The following UCK2 variants were observed in gnomAD, a reference collection of about 807,000 sequenced individuals.
The protein encoded by UCK2 is cytidine monophosphokinase 2.
UCK2 carries 6 observed loss-of-function variants against 30.8 expected under a neutral mutation model. The ratio of observed to expected loss-of-function variants is 0.19; its 90% CI spans 0.11 to 0.38. UCK2 has a LOEUF of 0.38. UCK2 is among the 10% of genes least tolerant of loss of function. The probability of loss-of-function intolerance (pLI) is 1.00; values close to 1 mark genes in which losing one functional copy is unlikely to be tolerated. For missense variants in UCK2, 210 were observed against 339.8 expected, an observed-to-expected ratio of 0.62 and a Z score of 3.00; for synonymous variants, 125 against 133.6, an observed-to-expected ratio of 0.94 and a Z score of 0.45.
chr1:165,850,161 T>C (rs1303005767), intron 1 of UCK2, among the ~76,000 whole-genome samples: 1 of 152,226 alleles, frequency 6.6e-6, no homozygotes, highest in African/African-American at 2.4e-5. Flanking sequence ...GACAGAGTTT[T>C]GCTCTTGTTA....
intron 5 of UCK2, 141 bp from the exon 6 acceptor site, chr1:165,905,780 A>G (rs925835576): frequency 1.7e-6 from 1 of 597,498 alleles, no homozygotes; most frequent in Non-Finnish European, 2.9e-6. Flanking sequence ...GTTGTAAACA[A>G]TATTATATTT....
At position 165,898,751 on chromosome 1, in the gene UCK2, A is replaced by G. The variant is rs560559365; in HGVS notation, c.499+2419A>G. Among the ~76,000 whole-genome samples the G allele has an allele frequency of 5.9e-5, 9 of 152,348 alleles. No individual in the cohort carries two copies. The East Asian group carries it at 1.3e-3, about 23-fold the overall frequency. On this transcript the variant is annotated intron_variant, in intron 4 of 6. Transcript: ENST00000367879. ...AGAACATTTTCCCTTCCTTTCTTGC[A>G]TGGGATTCTTATGTGAAATAGGAGC... is the stretch of plus-strand genomic sequence containing the variant.
chr1:165,880,562 TGG>T (rs60967216), intron 1 of UCK2, among the ~76,000 whole-genome samples: 15,530 of 115,652 alleles, frequency 0.13, 1,082 homozygotes, highest in East Asian at 0.17. Context: ...CAGTTTTTTT[TGG>T]GGGTGTGTGT....
At chr1:165,841,446 A>G (rs1654328423) in intron 1 of UCK2, among the ~76,000 whole-genome samples, 1 of 151,938 alleles carries the variant, frequency 6.6e-6, no homozygotes, top group Non-Finnish European at 1.5e-5. Flanking sequence ...CAGCCTCCCA[A>G]AGTGCTGGGG....
intron 1 of UCK2, among the ~76,000 whole-genome samples, chr1:165,869,358 A>G (rs1191071754): frequency 1.3e-5 from 2 of 152,118 alleles, no homozygotes; most frequent in African/African-American, 4.8e-5. Context: ...TGTAAAAAAA[A>G]CGTAGTATCT....
At position 165,846,710 on chromosome 1, in the gene UCK2, G is replaced by C. The variant is rs531662971; in HGVS notation, c.99+18778G>C. On this transcript the variant is annotated intron_variant, in intron 1 of 6. Coordinates refer to ENST00000367879, the MANE Select transcript of UCK2 (RefSeq NM_012474.5). Reference sequence around the variant, plus strand: ...ATAAGCACGAACACTTTTTGATATAGGTGTATTCTTTGTCAAGTTGGCAAC... The same window carrying C: ...ATAAGCACGAACACTTTTTGATATACGTGTATTCTTTGTCAAGTTGGCAAC... Among the ~76,000 whole-genome samples, 148 of 152,238 alleles carry C rather than the reference G, an allele frequency of 9.7e-4. No homozygotes were observed. In the Middle Eastern group the frequency reaches 0.014, roughly 14 times the overall value.
Position 165,905,958 on chromosome 1 carries a change from C to T in UCK2, c.635C>T (p.Ala212Val), listed in dbSNP as rs1647643548. 6.2e-7 allele frequency: 1 copy of T among 1,613,866 alleles called. No homozygotes were observed. Residue 212 changes from alanine to valine, a missense_variant, in exon 6 of 7, where the codon GCA becomes GTA. Physicochemically the swap from Ala to Val is moderately conservative, Grantham distance 64. Transcript: ENST00000367879. ...GCTGATGTGATCATCCCTAGAGGTG[C>T]AGATAATCTGGGTGAGTCCCTGCAG... is the stretch of plus-strand genomic sequence containing the variant. ...KYADVIIPRG[A>V]DNLVAINLIV...
At chr1:165,899,799 A>G (rs1157690955) in intron 4 of UCK2, among the ~76,000 whole-genome samples, 1 of 152,146 alleles carries the variant, frequency 6.6e-6, no homozygotes, top group Non-Finnish European at 1.5e-5. Context: ...CTGCCTGAGG[A>G]GAAGGGCCTT....
chr1:165,841,485 C>T (rs1654330562), intron 1 of UCK2, among the ~76,000 whole-genome samples: 1 of 152,168 alleles, frequency 6.6e-6, no homozygotes, highest in African/African-American at 2.4e-5. Flanking sequence ...CGCGCCTGGC[C>T]TGTACTACTT....
intron 1 of UCK2, among the ~76,000 whole-genome samples, chr1:165,870,526 C>T (rs536823311): frequency 1.3e-5 from 2 of 152,178 alleles, no homozygotes; most frequent in Non-Finnish European, 2.9e-5. Context: ...TACTTCTGCT[C>T]ACAGGAGTTT....
At chr1:165,884,525 TC>T (rs769719237) in intron 1 of UCK2, among the ~76,000 whole-genome samples, 75 of 152,214 alleles carry the variant, frequency 4.9e-4, no homozygotes, top group Non-Finnish European at 8.8e-4. Flanking sequence ...TTCTGAGCTG[TC>T]CAGGCTTGGG....
At chr1:165,829,306 A>G (rs1021574594) in intron 1 of UCK2, among the ~76,000 whole-genome samples, 4 of 152,230 alleles carry the variant, frequency 2.6e-5, no homozygotes, top group Non-Finnish European at 5.9e-5. Context: ...TATGACTTAT[A>G]CTAGTAATTC....
chr1:165,866,126 A>G (rs886307843), intron 1 of UCK2, among the ~76,000 whole-genome samples: 2 of 152,026 alleles, frequency 1.3e-5, no homozygotes, highest in Admixed American at 6.6e-5. Context: ...TAACTGGGAG[A>G]CTGGAGTATA....
chr1:165,852,169 A>G (rs561169415), intron 1 of UCK2, among the ~76,000 whole-genome samples: 1 of 152,348 alleles, frequency 6.6e-6, no homozygotes, highest in East Asian at 1.9e-4. Flanking sequence ...GCTGTCTTCC[A>G]CAATGGTTGA....
intron 1 of UCK2, among the ~76,000 whole-genome samples, chr1:165,852,723 T>TAA (rs1654628624): frequency 6.6e-6 from 1 of 152,234 alleles, no homozygotes; most frequent in African/African-American, 2.4e-5. Context: ...GCATTTCATC[T>TAA]ATCCTTCCTT....
chr1:165,839,204 G>A (rs775971297), intron 1 of UCK2, among the ~76,000 whole-genome samples: 1 of 151,946 alleles, frequency 6.6e-6, no homozygotes, highest in South Asian at 2.1e-4. Flanking sequence ...TTAGTCAATG[G>A]CTACATTTTT....
At chr1:165,864,305 C>T (rs1376345939) in intron 1 of UCK2, among the ~76,000 whole-genome samples, 2 of 152,204 alleles carry the variant, frequency 1.3e-5, no homozygotes, top group Admixed American at 1.3e-4. Context: ...CCTAGGTCTG[C>T]CACCTCTTTG....
At position 165,898,590 on chromosome 1, in the gene UCK2, C is replaced by T. The variant is rs144660561; in HGVS notation, c.499+2258C>T. 6.9e-3 allele frequency among the ~76,000 whole-genome samples: 1,045 copies of T among 152,244 alleles called. 15 individuals carry two copies. Among genetic ancestry groups the T allele is most frequent in the African/African-American group, 0.023 (963 of 41,524 alleles). ...CTCAGTCTCAGGGATGCAGTGCTGCCGAGGGAGGCCTCGCAGCAGGGAGTG... is the reference window on the plus strand; with the variant it reads ...CTCAGTCTCAGGGATGCAGTGCTGCTGAGGGAGGCCTCGCAGCAGGGAGTG... On this transcript the variant is annotated intron_variant, in intron 4 of 6. Coordinates refer to ENST00000367879, the MANE Select transcript of UCK2 (RefSeq NM_012474.5).
intron 1 of UCK2, among the ~76,000 whole-genome samples, chr1:165,838,388 C>T (rs1275515971): frequency 1.3e-5 from 2 of 152,218 alleles, no homozygotes; most frequent in Non-Finnish European, 2.9e-5. Context: ...GCATCCTTTG[C>T]ACTGGCTGTT....
Sources: gnomAD v4.1 joint callset for allele counts (sites outside exome capture counted in the v4.1 genomes callset) on GRCh38, gnomAD v4.1.1 for gene constraint, MANE v1.5 for transcripts, NCBI Gene and HGNC (gene_info 2026-07-23, HGNC 2026-07-21) for gene names.